The following PLCB1 variants were observed in gnomAD, a reference collection of about 807,000 sequenced individuals.
PLCB1 encodes the protein phospholipase C beta 1, also known as 1-phosphatidylinositol 4,5-bisphosphate phosphodiesterase beta-1.
A neutral mutation model predicts 161.8 loss-of-function variants in PLCB1; 46 were observed. The observed-to-expected ratio is 0.28, with a 90% CI of 0.22 to 0.36. The LOEUF is 0.36. Ranked by LOEUF, PLCB1 falls within the 10% of genes least tolerant of loss-of-function variation. The pLI is 1.00. For missense variants in PLCB1, 1,016 were observed against 1,472.5 expected (o/e 0.69, Z 5.07); for synonymous variants, 517 against 503.7 (o/e 1.03, Z -0.35).
At chr20:8,190,845 A>G (rs2051962735) in intron 2 of PLCB1, among the ~76,000 whole-genome samples, 1 of 152,114 alleles carries the variant, frequency 6.6e-6, no homozygotes, top group Non-Finnish European at 1.5e-5. Context: ...GCAGCTTCAA[A>G]TATTTAATGT....
chr20:8,229,894 TA>T lies in PLCB1; in HGVS notation c.177+79531del, dbSNP rs1364663373. Among the ~76,000 whole-genome samples the T allele has an allele frequency of 1.9e-3, 284 of 147,456 alleles. 1 individual carries two copies. Among genetic ancestry groups the T allele is most frequent in the African/African-American group, 6.5e-3 (265 of 40,726 alleles). ...AAAATAAAATAAAATAAAAATAAAA[TA>T]AAAAAAATAATTTAGCCAGATATGG... On this transcript the variant is annotated intron_variant, in intron 2 of 31. Transcript: ENST00000338037.
chr20:8,672,487 C>T (rs1304845768), intron 9 of PLCB1, among the ~76,000 whole-genome samples: 3 of 149,752 alleles, frequency 2.0e-5, no homozygotes, highest in African/African-American at 7.4e-5. Context: ...CACTTGGCTA[C>T]TGCTGCCTTA....
intron 2 of PLCB1, among the ~76,000 whole-genome samples, chr20:8,349,308 T>TTTTA (rs1986102998): frequency 2.0e-5 from 3 of 151,780 alleles, no homozygotes; most frequent in Admixed American, 6.6e-5. Flanking sequence ...AATGAAAGAG[T>TTTTA]TTTAGGTTGA....
rs1034033029 is a variant in PLCB1 at position 8,551,215 on chromosome 20, A to G, written c.247-77079A>G. Among the ~76,000 whole-genome samples, 8 of 151,332 alleles carry G rather than the reference A, an allele frequency of 5.3e-5. No individual in the cohort carries two copies. The East Asian group carries it at 1.0e-3, about 19-fold the overall frequency. On this transcript the variant is annotated intron_variant, in intron 3 of 31. Transcript: ENST00000338037. The stretch of plus-strand genomic sequence containing the variant: ...GTTAGCTATAACCAAAAATATGAGG[A>G]AAAAAAACATGATCTCTGCCAGAAG...
intron 24 of PLCB1, 43 bp downstream of exon 24, chr20:8,757,221 C>T: frequency 1.3e-6 from 2 of 1,564,244 alleles, no homozygotes; most frequent in Non-Finnish European, 1.7e-6. Flanking sequence ...GCAAGATCCT[C>T]CAGTTCATTA....
chr20:8,343,191 A>C (rs569289818), intron 2 of PLCB1, among the ~76,000 whole-genome samples: 5 of 152,310 alleles, frequency 3.3e-5, no homozygotes, highest in Admixed American at 3.3e-4. Flanking sequence ...AGCAGGTATG[A>C]GATGGGGCCT....
At chr20:8,715,017 C>G (rs1044476479) in intron 12 of PLCB1, among the ~76,000 whole-genome samples, 1 of 151,838 alleles carries the variant, frequency 6.6e-6, no homozygotes, top group African/African-American at 2.4e-5. Flanking sequence ...ATAAGAATCA[C>G]ATTTTATGAT....
At chr20:8,264,646 T>C (rs2743173) in intron 2 of PLCB1, among the ~76,000 whole-genome samples, 80,992 of 151,872 alleles carry the variant, frequency 0.53, 22,579 homozygotes, top group African/African-American at 0.71. Context: ...TTTTCAGCTC[T>C]GTTATAATCT....
chr20:8,247,784 A>G (rs1980955390), intron 2 of PLCB1, among the ~76,000 whole-genome samples: 1 of 151,896 alleles, frequency 6.6e-6, no homozygotes, highest in South Asian at 2.1e-4. Context: ...ACTAAATGAC[A>G]AAGGACCACT....
chr20:8,650,979 C>T (rs942237315), intron 7 of PLCB1, among the ~76,000 whole-genome samples: 1 of 152,160 alleles, frequency 6.6e-6, no homozygotes, highest in African/African-American at 2.4e-5. Context: ...ACATCATATA[C>T]ATTAACCACC....
At chr20:8,280,143 C>G (rs945178422) in intron 2 of PLCB1, among the ~76,000 whole-genome samples, 2 of 152,020 alleles carry the variant, frequency 1.3e-5, no homozygotes, top group African/African-American at 4.8e-5. Context: ...CGAGACCAGC[C>G]TGGCCAACAT....
intron 2 of PLCB1, among the ~76,000 whole-genome samples, chr20:8,235,473 GATGTGACAAAATTCTA>G (rs1361435489): frequency 6.6e-6 from 1 of 152,018 alleles, no homozygotes; most frequent in African/African-American, 2.4e-5. Flanking sequence ...GCAACAAAAA[GATGTGACAAAATTCTA>G]ATAATTTTAA....
intron 4 of PLCB1, among the ~76,000 whole-genome samples, chr20:8,634,401 G>A (rs1380204450): frequency 2.0e-5 from 3 of 152,280 alleles, no homozygotes; most frequent in Non-Finnish European, 4.4e-5. Flanking sequence ...TCAAGGATAT[G>A]AGTGAGATTT....
At chr20:8,778,749 C>G (rs117314807) in intron 27 of PLCB1, among the ~76,000 whole-genome samples, 1 of 152,174 alleles carries the variant, frequency 6.6e-6, no homozygotes, top group Non-Finnish European at 1.5e-5. Flanking sequence ...TTACACACAC[C>G]TATCCCAGCC....
intron 31 of PLCB1, among the ~76,000 whole-genome samples, chr20:8,815,164 A>C (rs948132324): frequency 2.0e-5 from 3 of 152,042 alleles, no homozygotes; most frequent in African/African-American, 4.8e-5. Context: ...TCCTTCCTTT[A>C]TTCATTTTCA....
intron 31 of PLCB1, among the ~76,000 whole-genome samples, chr20:8,839,093 CT>C (rs1352247069): frequency 2.6e-5 from 4 of 152,128 alleles, no homozygotes; most frequent in Admixed American, 2.6e-4. Flanking sequence ...CTGATTGGAC[CT>C]AGTGAGCAAG....
At chr20:8,216,505 C>T (rs1450151734) in intron 2 of PLCB1, among the ~76,000 whole-genome samples, 1 of 152,086 alleles carries the variant, frequency 6.6e-6, no homozygotes, top group African/African-American at 2.4e-5. Context: ...ACTTCTAAAA[C>T]AGAGGCAGAG....
At chr20:8,681,797 G>A (rs1990228492) in intron 9 of PLCB1, among the ~76,000 whole-genome samples, 1 of 152,174 alleles carries the variant, frequency 6.6e-6, no homozygotes, top group Non-Finnish European at 1.5e-5. Context: ...CATATCATTT[G>A]ACCTAATCAG....
At chr20:8,321,275 G>T (rs1984908594) in intron 2 of PLCB1, among the ~76,000 whole-genome samples, 1 of 152,104 alleles carries the variant, frequency 6.6e-6, no homozygotes, top group Admixed American at 6.6e-5. Flanking sequence ...AAACACATGT[G>T]AGAAAAACTG....
Sources: allele counts gnomAD v4.1 joint callset (sites outside exome capture counted in the v4.1 genomes callset), GRCh38; gene constraint gnomAD v4.1.1; transcripts MANE v1.5; gene names NCBI Gene and HGNC (gene_info 2026-07-23, HGNC 2026-07-21).